RSU1: variants seen among roughly 807,000 people sequenced by gnomAD.
RSU1 encodes the protein Ras suppressor protein 1.
In RSU1, 26 loss-of-function variants were observed where a neutral mutation model predicts 31.1. That is an observed-to-expected ratio of 0.84 (90% CI 0.61 to 1.16). The LOEUF (loss-of-function observed/expected upper bound fraction) is 1.16. Among genes scored for constraint, RSU1 ranks in the 50% most tolerant of loss-of-function variants. The pLI is 0.00. For synonymous variants in RSU1, 164 were observed against 136.3 expected (o/e 1.20, Z -1.41); for missense variants, 320 against 339.1 (o/e 0.94, Z 0.44).
At chr10:16,626,730 G>A (rs1483005063) in intron 8 of RSU1, among the ~76,000 whole-genome samples, 1 of 152,184 alleles carries the variant, frequency 6.6e-6, no homozygotes, top group Non-Finnish European at 1.5e-5. Flanking sequence ...GTCTCATGGG[G>A]TGGCAACGCT....
intron 8 of RSU1, among the ~76,000 whole-genome samples, chr10:16,660,230 T>A (rs1259861190): frequency 6.6e-6 from 1 of 152,224 alleles, no homozygotes; most frequent in East Asian, 1.9e-4. Flanking sequence ...CAGGTGTCTT[T>A]GGGCATGACC....
intron 8 of RSU1, among the ~76,000 whole-genome samples, chr10:16,646,666 C>T (rs1264608625): frequency 6.6e-6 from 1 of 152,220 alleles, no homozygotes; most frequent in Non-Finnish European, 1.5e-5. Flanking sequence ...TACTACATGG[C>T]ACATGTCAGT....
At chr10:16,720,011 T>A (rs549121426) in intron 7 of RSU1, among the ~76,000 whole-genome samples, 56 of 152,296 alleles carry the variant, frequency 3.7e-4, no homozygotes, top group Non-Finnish European at 7.1e-4. Flanking sequence ...AAGGATTAAC[T>A]CATCTCCCAA....
At chr10:16,804,577 A>G (rs1241740853) in intron 2 of RSU1, among the ~76,000 whole-genome samples, 1 of 152,226 alleles carries the variant, frequency 6.6e-6, no homozygotes, top group Non-Finnish European at 1.5e-5. Flanking sequence ...ATATCATCCA[A>G]TAGGTGAATG....
At chr10:16,624,295 T>C (rs918556155) in intron 8 of RSU1, among the ~76,000 whole-genome samples, 3 of 151,614 alleles carry the variant, frequency 2.0e-5, no homozygotes, top group Non-Finnish European at 4.4e-5. Flanking sequence ...AGGGCTGGAG[T>C]AGACATCCCA....
rs1833532306 is a variant in RSU1 at position 16,592,856 on chromosome 10, G to GTGTT, written c.*534_*537dup. The stretch of plus-strand genomic sequence containing the variant: ...TTGGGGGAGAAAAGTAAATGAAAAT[G>GTGTT]TGTTATACCCCAAGATCAGACTGTT... On this transcript the variant is annotated 3_prime_UTR_variant, in exon 9 of 9. Coordinates refer to ENST00000345264, the MANE Select transcript of RSU1 (RefSeq NM_012425.4). 1 of 152,170 alleles carries GTGTT rather than the reference G, an allele frequency of 6.6e-6. No homozygotes were observed. Among genetic ancestry groups the GTGTT allele is most frequent in the South Asian group, 2.1e-4 (1 of 4,830 alleles). The allele number at this position is 152,170 out of a possible 1,614,324, so 9.4% of individuals were successfully genotyped here.
intron 8 of RSU1, among the ~76,000 whole-genome samples, chr10:16,609,968 T>G (rs1482695578): frequency 6.6e-6 from 1 of 152,240 alleles, no homozygotes; most frequent in Admixed American, 6.5e-5. Context: ...CTTTAAATTT[T>G]CTCATAGCTG....
At chr10:16,784,362 C>T (rs753311537) in intron 2 of RSU1, among the ~76,000 whole-genome samples, 19 of 152,114 alleles carry the variant, frequency 1.2e-4, no homozygotes, top group Admixed American at 2.6e-4. Flanking sequence ...CGGTATTAGT[C>T]CATTCTGGCA....
intron 8 of RSU1, among the ~76,000 whole-genome samples, chr10:16,598,769 A>G (rs1833663224): frequency 6.6e-6 from 1 of 152,166 alleles, no homozygotes; most frequent in South Asian, 2.1e-4. Flanking sequence ...CTGTCAGGTA[A>G]TACATTCGTT....
At chr10:16,744,242 T>G (rs891502423) in intron 7 of RSU1, among the ~76,000 whole-genome samples, 2 of 152,144 alleles carry the variant, frequency 1.3e-5, no homozygotes, top group African/African-American at 4.8e-5. Flanking sequence ...TAATAAAGAT[T>G]TCAAAAGATG....
intron 7 of RSU1, among the ~76,000 whole-genome samples, chr10:16,713,319 G>T (rs552580116): frequency 4.6e-5 from 7 of 152,108 alleles, no homozygotes; most frequent in Non-Finnish European, 8.8e-5. Context: ...TTCTCCCTAC[G>T]AAGTTCCTAT....
chr10:16,703,618 A>T (rs1259277726), intron 7 of RSU1, among the ~76,000 whole-genome samples: 1 of 152,218 alleles, frequency 6.6e-6, no homozygotes, highest in Non-Finnish European at 1.5e-5. Flanking sequence ...TATGATTAAA[A>T]ATGTTTTCAA....
At chr10:16,635,415 T>C (rs931571168) in intron 8 of RSU1, among the ~76,000 whole-genome samples, 7 of 152,250 alleles carry the variant, frequency 4.6e-5, no homozygotes, top group African/African-American at 1.4e-4. Flanking sequence ...ATAACCCTGC[T>C]TCGTATTTCA....
At chr10:16,680,154 T>C (rs1835303181) in intron 8 of RSU1, among the ~76,000 whole-genome samples, 1 of 152,058 alleles carries the variant, frequency 6.6e-6, no homozygotes, top group Non-Finnish European at 1.5e-5. Flanking sequence ...AGTGCTGGGA[T>C]TACAGGTGTG....
intron 2 of RSU1, among the ~76,000 whole-genome samples, chr10:16,801,143 A>C (rs1838148702): frequency 6.6e-6 from 1 of 151,874 alleles, no homozygotes; most frequent in South Asian, 2.1e-4. Flanking sequence ...TGAGAAATCC[A>C]CTTTAAATAT....
chr10:16,664,755 T>C (rs1834956921), intron 8 of RSU1, among the ~76,000 whole-genome samples: 1 of 152,204 alleles, frequency 6.6e-6, no homozygotes. Context: ...TTTCCTAACA[T>C]CATCTTCTAA....
At chr10:16,811,548 A>C (rs1327302184) in intron 2 of RSU1, among the ~76,000 whole-genome samples, 1 of 152,210 alleles carries the variant, frequency 6.6e-6, no homozygotes, top group Non-Finnish European at 1.5e-5. Context: ...GCTTACAAAA[A>C]AGCCACCAGG....
chr10:16,814,309 G>A (rs1181201761), intron 2 of RSU1, among the ~76,000 whole-genome samples: 25 of 151,994 alleles, frequency 1.6e-4, no homozygotes, highest in Non-Finnish European at 5.9e-5. Context: ...TTAGCCAGGC[G>A]TGGTGGCGTG....
intron 5 of RSU1, among the ~76,000 whole-genome samples, chr10:16,754,640 C>T (rs1837047050): frequency 6.6e-6 from 1 of 150,622 alleles, no homozygotes; most frequent in Admixed American, 6.6e-5. Flanking sequence ...TAATCTCTCT[C>T]AGAATGTTAA....
Sources: allele counts gnomAD v4.1 joint callset (sites outside exome capture counted in the v4.1 genomes callset), GRCh38; gene constraint gnomAD v4.1.1; transcripts MANE v1.5; gene names NCBI Gene and HGNC (gene_info 2026-07-23, HGNC 2026-07-21).